CNBD1: variants seen among roughly 807,000 people sequenced by gnomAD.
CNBD1 encodes the protein cyclic nucleotide-binding domain-containing protein 1.
In CNBD1, 71 loss-of-function variants were observed where a neutral mutation model predicts 54.4. That is an observed-to-expected ratio of 1.30 (90% CI 1.08 to 1.59). The LOEUF is 1.59. Among genes scored for constraint, CNBD1 ranks in the 40% most tolerant of loss-of-function variants. The pLI is 0.00. For synonymous variants in CNBD1, 182 were observed against 170.7 expected, an observed-to-expected ratio of 1.07 and a Z score of -0.51; for missense variants, 659 against 518.0, an observed-to-expected ratio of 1.27 and a Z score of -2.64.
intron 8 of CNBD1, among the ~76,000 whole-genome samples, chr8:87,336,872 G>A (rs1238789823): frequency 6.6e-6 from 1 of 152,086 alleles, no homozygotes; most frequent in African/African-American, 2.4e-5. Flanking sequence ...CCTTGGATGA[G>A]GTTTTTTTGG....
intron 8 of CNBD1, among the ~76,000 whole-genome samples, chr8:87,335,491 T>C (rs920943764): frequency 6.6e-6 from 1 of 152,198 alleles, no homozygotes; most frequent in Non-Finnish European, 1.5e-5. Flanking sequence ...TCTTTGTTGA[T>C]TAAAAGTCTG....
chr8:87,369,941 T>C (rs1378802989), intron 10 of CNBD1, among the ~76,000 whole-genome samples: 1 of 152,142 alleles, frequency 6.6e-6, no homozygotes, highest in Admixed American at 6.5e-5. Context: ...TGTGTTCTCA[T>C]TGTTCAATTC....
rs138669805 is a variant in CNBD1 at position 86,984,446 on chromosome 8, C to T, written c.431+44692C>T. ...GAGAAGAGGGCCATCATCCTGCAGA[C>T]CCCAGAAAGGTAGATCCACCAACAT... On this transcript the variant is annotated intron_variant, in intron 4 of 10. Coordinates refer to ENST00000518476, the MANE Select transcript of CNBD1 (RefSeq NM_173538.3). 1.7e-3 allele frequency among the ~76,000 whole-genome samples: 264 copies of T among 152,226 alleles called. 1 individual carries two copies. In the Middle Eastern group the frequency reaches 0.024, roughly 14 times the overall value.
intron 10 of CNBD1, among the ~76,000 whole-genome samples, chr8:87,358,856 A>C (rs1158456278): frequency 6.6e-6 from 1 of 152,168 alleles, no homozygotes; most frequent in Non-Finnish European, 1.5e-5. Context: ...CTGGTATTCA[A>C]GAACTGGGAA....
chr8:87,030,975 C>A (rs1033818115), intron 4 of CNBD1, among the ~76,000 whole-genome samples: 1 of 136,808 alleles, frequency 7.3e-6, no homozygotes, highest in African/African-American at 2.7e-5. Context: ...CTTCTTTCTC[C>A]TTCTTTCTTT....
At chr8:87,415,554 A>G (rs901821503) in intron 2 of CNBD1, among the ~76,000 whole-genome samples, 1 of 151,932 alleles carries the variant, frequency 6.6e-6, no homozygotes, top group Non-Finnish European at 1.5e-5. Flanking sequence ...TACTCTTCTC[A>G]GTGTTGAACA....
chr8:87,351,469 C>A (rs963327438), intron 8 of CNBD1, among the ~76,000 whole-genome samples: 5 of 152,076 alleles, frequency 3.3e-5, no homozygotes, highest in Admixed American at 2.0e-4. Flanking sequence ...AAAGTCTTGT[C>A]AGTGTTTGCA....
rs73693044 is a variant in CNBD1 at position 87,128,570 on chromosome 8, T to G, written c.432-77423T>G. On this transcript the variant is annotated intron_variant, in intron 4 of 10. Coordinates refer to ENST00000518476, the MANE Select transcript of CNBD1 (RefSeq NM_173538.3). ...TTTTCTTTTGCTAGTTTGTTGAAAG[T>G]TTTGAACTGTGATGGATAATGGATT... 4.4e-3 allele frequency among the ~76,000 whole-genome samples: 668 copies of G among 152,268 alleles called. 6 individuals are homozygous for G. Among genetic ancestry groups the G allele is most frequent in the African/African-American group, 0.015 (633 of 41,546 alleles).
intron 9 of CNBD1, 75 bp downstream of exon 9, chr8:87,351,869 C>A: frequency 8.0e-7 from 1 of 1,255,166 alleles, no homozygotes; most frequent in Non-Finnish European, 1.0e-6. Flanking sequence ...TTTTCATGTA[C>A]TTACTAGACA....
At chr8:87,346,350 T>G (rs1378895281) in intron 8 of CNBD1, among the ~76,000 whole-genome samples, 5 of 152,110 alleles carry the variant, frequency 3.3e-5, no homozygotes, top group Non-Finnish European at 4.4e-5. Flanking sequence ...CCATTATACT[T>G]AATTTTCTTC....
At chr8:87,074,765 AT>A (rs1366227837) in intron 4 of CNBD1, among the ~76,000 whole-genome samples, 1 of 151,960 alleles carries the variant, frequency 6.6e-6, no homozygotes, top group Non-Finnish European at 1.5e-5. Flanking sequence ...TGTTTGCCTA[AT>A]CAGTCCCAAG....
intron 3 of CNBD1, among the ~76,000 whole-genome samples, chr8:86,910,262 G>T (rs188291810): frequency 1.3e-5 from 2 of 152,146 alleles, no homozygotes; most frequent in African/African-American, 2.4e-5. Flanking sequence ...TGGAGTGCTT[G>T]TCGGACTCTC....
intron 10 of CNBD1, among the ~76,000 whole-genome samples, chr8:87,369,574 T>C (rs1483399839): frequency 6.6e-6 from 1 of 151,978 alleles, no homozygotes; most frequent in Non-Finnish European, 1.5e-5. Context: ...TTTTGTTAGA[T>C]TTAGAATTCT....
chr8:87,252,607 G>A (rs1807934845), intron 6 of CNBD1, among the ~76,000 whole-genome samples: 1 of 152,066 alleles, frequency 6.6e-6, no homozygotes, highest in South Asian at 2.1e-4. Context: ...AAAAATGAAT[G>A]CAACCTTGAT....
chr8:87,304,617 C>G (rs1029979132), intron 8 of CNBD1, among the ~76,000 whole-genome samples: 1 of 151,796 alleles, frequency 6.6e-6, no homozygotes, highest in Non-Finnish European at 1.5e-5. Context: ...GCAAATGTAC[C>G]CTAGAACTTA....
chr8:87,384,721 T>C (rs1384113128), downstream of CNBD1, among the ~76,000 whole-genome samples: 1 of 152,124 alleles, frequency 6.6e-6, no homozygotes, highest in Non-Finnish European at 1.5e-5. Context: ...AGGTATAAGA[T>C]CATGGGTCCA....
chr8:87,368,516 T>C (rs376302501), intron 10 of CNBD1, among the ~76,000 whole-genome samples: 3 of 151,820 alleles, frequency 2.0e-5, no homozygotes, highest in East Asian at 2.0e-4. Flanking sequence ...CTCACACCTG[T>C]AGTCCCAGCT....
intron 10 of CNBD1, among the ~76,000 whole-genome samples, chr8:87,363,461 C>T (rs1810565861): frequency 6.6e-6 from 1 of 152,120 alleles, no homozygotes; most frequent in South Asian, 2.1e-4. Flanking sequence ...TAGACTCCCA[C>T]CAACAGTGTA....
intron 2 of CNBD1, among the ~76,000 whole-genome samples, chr8:87,390,433 T>C (rs1158357355): frequency 6.6e-6 from 1 of 152,084 alleles, no homozygotes; most frequent in East Asian, 1.9e-4. Flanking sequence ...GGGTGAAGGA[T>C]ATGAACAGAC....
Sources: allele counts gnomAD v4.1 joint callset (sites outside exome capture counted in the v4.1 genomes callset), GRCh38; gene constraint gnomAD v4.1.1; transcripts MANE v1.5; gene names NCBI Gene and HGNC (gene_info 2026-07-23, HGNC 2026-07-21).